WWOX: variants seen among roughly 807,000 people sequenced by gnomAD.
WWOX encodes WW domain containing oxidoreductase, also known as WW domain-containing oxidoreductase.
WWOX carries 69 observed loss-of-function variants against 46.2 expected under a neutral mutation model. The ratio of observed to expected loss-of-function variants is 1.49; its 90% CI spans 1.23 to 1.82. WWOX has a LOEUF of 1.82. Among genes scored for constraint, WWOX ranks in the 40% most tolerant of loss-of-function variants. WWOX has a pLI of 0.00. For synonymous variants in WWOX, 359 were observed against 202.6 expected (o/e 1.77, Z -6.56); for missense variants, 919 against 542.6 (o/e 1.69, Z -6.89).
chr16:78,713,003 C>G (rs56054343), intron 8 of WWOX, among the ~76,000 whole-genome samples: 1 of 152,042 alleles, frequency 6.6e-6, no homozygotes, highest in East Asian at 1.9e-4. Flanking sequence ...GGTGTAGTGG[C>G]TCATGCCTGT....
intron 8 of WWOX, among the ~76,000 whole-genome samples, chr16:78,964,203 A>T (rs2046324227): frequency 6.6e-6 from 1 of 152,156 alleles, no homozygotes; most frequent in African/African-American, 2.4e-5. Flanking sequence ...GGGTAACAGG[A>T]AGAAGTTAGA....
intron 8 of WWOX, among the ~76,000 whole-genome samples, chr16:78,617,325 C>A (rs2046050381): frequency 6.6e-6 from 1 of 151,512 alleles, no homozygotes; most frequent in African/African-American, 2.4e-5. Context: ...TCACTTGAGC[C>A]CAGGAGGCAG....
chr16:78,774,499 TGTGTG>T (rs2050140613), intron 8 of WWOX, among the ~76,000 whole-genome samples: 1 of 17,430 alleles, frequency 5.7e-5, no homozygotes, highest in African/African-American at 1.6e-4. Flanking sequence ...ACCCATTTTG[TGTGTG>T]TGTGTGTGTG....
chr16:79,025,708 T>C (rs7200923), intron 8 of WWOX, among the ~76,000 whole-genome samples: 2,389 of 152,138 alleles, frequency 0.016, 68 homozygotes, highest in African/African-American at 0.054. Context: ...AGGAAACTAA[T>C]ATACCCTTTA....
intron 8 of WWOX, among the ~76,000 whole-genome samples, chr16:78,739,406 G>A (rs2049163711): frequency 6.6e-6 from 1 of 152,180 alleles, no homozygotes; most frequent in African/African-American, 2.4e-5. Flanking sequence ...TGGATGTCAT[G>A]TGCTTTCAGA....
chr16:79,025,780 T>G (rs61526364), intron 8 of WWOX, among the ~76,000 whole-genome samples: 1 of 114,248 alleles, frequency 8.8e-6, no homozygotes, highest in South Asian at 2.8e-4. Context: ...GTTGCCGTTT[T>G]CTTTGCTTTG....
At chr16:78,150,607 T>C (rs1277443892) in intron 4 of WWOX, among the ~76,000 whole-genome samples, 1 of 151,856 alleles carries the variant, frequency 6.6e-6, no homozygotes, top group African/African-American at 2.4e-5. Flanking sequence ...GGTCTTGAAC[T>C]CCTCAGCTCA....
At chr16:78,930,240 T>TTCCTTCCTTCCTTCCTTCCTTCCG (rs2045591401) in intron 8 of WWOX, among the ~76,000 whole-genome samples, 1 of 124,298 alleles carries the variant, frequency 8.0e-6, no homozygotes, top group Non-Finnish European at 1.7e-5. Context: ...CCTTCCTTCC[T>TTCCTTCCTTCCTTCCTTCCTTCCG]TCCTTCCTTC....
At chr16:78,948,318 C>G (rs546987957) in intron 8 of WWOX, among the ~76,000 whole-genome samples, 4 of 152,182 alleles carry the variant, frequency 2.6e-5, no homozygotes, top group African/African-American at 4.8e-5. Flanking sequence ...CAAAGAACTT[C>G]TTGTCTCCCT....
At position 78,961,436 on chromosome 16, in the gene WWOX, C is replaced by CATGG. The variant is rs551578359; in HGVS notation, c.1057-250155_1057-250152dup. Reference sequence around the variant, plus strand: ...TCAGCAGATATATAGCTATGGGATACATGGATGGATGGATGGATGGGTGGA... The same window carrying CATGG: ...TCAGCAGATATATAGCTATGGGATACATGGATGGATGGATGGATGGATGGGTGGA... On this transcript the variant is annotated intron_variant, in intron 8 of 8. Coordinates refer to ENST00000566780, the MANE Select transcript of WWOX (RefSeq NM_016373.4). 1.1e-3 allele frequency among the ~76,000 whole-genome samples: 173 copies of CATGG among 151,744 alleles called. 1 individual carries two copies. The highest frequency in any genetic ancestry group is 2.0e-3 in the Non-Finnish European group (135 of 67,924).
At chr16:78,224,404 A>T (rs551898122) in intron 5 of WWOX, among the ~76,000 whole-genome samples, 28 of 136,328 alleles carry the variant, frequency 2.1e-4, no homozygotes, top group African/African-American at 5.0e-4. Context: ...TTTAAAAATT[A>T]AAAAAAAAAA....
At chr16:78,357,814 G>C (rs558033817) in intron 5 of WWOX, among the ~76,000 whole-genome samples, 1 of 152,224 alleles carries the variant, frequency 6.6e-6, no homozygotes, top group Non-Finnish European at 1.5e-5. Context: ...CCGATCCCTG[G>C]GAGTTTGGTG....
chr16:78,863,103 C>T (rs945144316), intron 8 of WWOX, among the ~76,000 whole-genome samples: 5 of 151,766 alleles, frequency 3.3e-5, no homozygotes, highest in East Asian at 1.9e-4. Flanking sequence ...GGATTACAGG[C>T]GCCACCACCA....
At chr16:78,684,110 C>G (rs1597441880) in intron 8 of WWOX, among the ~76,000 whole-genome samples, 1 of 152,196 alleles carries the variant, frequency 6.6e-6, no homozygotes, top group Admixed American at 6.5e-5. Context: ...TCAACTCAAC[C>G]TCATGGCATC....
chr16:79,011,170 C>G (rs1180634423), intron 8 of WWOX, among the ~76,000 whole-genome samples: 8 of 141,524 alleles, frequency 5.7e-5, no homozygotes, highest in African/African-American at 2.2e-4. Context: ...CACACACACA[C>G]ACACTTTTTT....
chr16:78,527,259 C>T (rs1391160744), intron 8 of WWOX, among the ~76,000 whole-genome samples: 1 of 151,782 alleles, frequency 6.6e-6, no homozygotes, highest in African/African-American at 2.4e-5. Flanking sequence ...CAGAAGCCAC[C>T]TTTCCATTTG....
At chr16:78,196,968 C>G (rs886824805) in intron 5 of WWOX, among the ~76,000 whole-genome samples, 11 of 152,142 alleles carry the variant, frequency 7.2e-5, no homozygotes, top group Non-Finnish European at 2.9e-5. Flanking sequence ...AATTCCTTCC[C>G]ACACAGAAGA....
At chr16:78,580,859 G>A (rs940767213) in intron 8 of WWOX, among the ~76,000 whole-genome samples, 1 of 152,170 alleles carries the variant, frequency 6.6e-6, no homozygotes, top group Admixed American at 6.6e-5. Flanking sequence ...CCTCAGACAT[G>A]CCTTCTAATT....
rs552336695 is a variant in WWOX at position 78,935,526 on chromosome 16, TGTTCTCACTAATAG to T, written c.1057-276079_1057-276066del. On this transcript the variant is annotated intron_variant, in intron 8 of 8. Transcript: ENST00000566780. ...AAGGACAAAAAAACCAAACACTGCA[TGTTCTCACTAATAG>T]GTGGGAATTGAACAATGAGAACACT... Among the ~76,000 whole-genome samples, 505 of 149,572 alleles carry T rather than the reference TGTTCTCACTAATAG, an allele frequency of 3.4e-3. 6 individuals carry two copies. Among genetic ancestry groups the T allele is most frequent in the African/African-American group, 0.012 (473 of 40,390 alleles).
Sources: allele counts gnomAD v4.1 joint callset (sites outside exome capture counted in the v4.1 genomes callset), GRCh38; gene constraint gnomAD v4.1.1; transcripts MANE v1.5; gene names NCBI Gene and HGNC (gene_info 2026-07-23, HGNC 2026-07-21).